ERC2: variants seen among roughly 807,000 people sequenced by gnomAD.
ERC2 encodes ELKS/RAB6-interacting/CAST family member 2.
A neutral mutation model predicts 114.8 loss-of-function variants in ERC2; 42 were observed. That is an observed-to-expected ratio of 0.37 (90% CI 0.29 to 0.47). The LOEUF is 0.47. Among genes scored for constraint, ERC2 ranks in the 20% least tolerant of loss-of-function variants. The pLI is 0.99. For missense variants in ERC2, 939 were observed against 1,150.7 expected, an observed-to-expected ratio of 0.82 and a Z score of 2.66; for synonymous variants, 454 against 425.5, an observed-to-expected ratio of 1.07 and a Z score of -0.82.
chr3:55,720,267 A>T (rs868122819), intron 15 of ERC2, among the ~76,000 whole-genome samples: 1 of 27,172 alleles, frequency 3.7e-5, no homozygotes, highest in Non-Finnish European at 7.0e-5. Flanking sequence ...CTCTCTGTCT[A>T]TCTCTCTGCC....
At chr3:56,137,156 A>C (rs2080557302) in intron 6 of ERC2, among the ~76,000 whole-genome samples, 1 of 152,174 alleles carries the variant, frequency 6.6e-6, no homozygotes, top group Non-Finnish European at 1.5e-5. Context: ...AGTGAGAAGA[A>C]AAGCCTTTCT....
intron 7 of ERC2, among the ~76,000 whole-genome samples, chr3:56,048,927 G>A (rs1300049065): frequency 6.6e-6 from 1 of 152,154 alleles, no homozygotes; most frequent in Non-Finnish European, 1.5e-5. Flanking sequence ...TACGTGAGAT[G>A]GGTATTCACG....
chr3:56,323,598 T>C (rs2057224479), intron 2 of ERC2, among the ~76,000 whole-genome samples: 1 of 152,154 alleles, frequency 6.6e-6, no homozygotes, highest in Admixed American at 6.5e-5. Flanking sequence ...CAGGTGTTGT[T>C]TTAAGTCACC....
chr3:55,525,257 T>C (rs552313140), intron 17 of ERC2, among the ~76,000 whole-genome samples: 1 of 152,348 alleles, frequency 6.6e-6, no homozygotes, highest in South Asian at 2.1e-4. Flanking sequence ...CATGCATTCA[T>C]TCAGTTCTTC....
chr3:55,768,824 G>A (rs765232328), intron 14 of ERC2, among the ~76,000 whole-genome samples: 4 of 152,182 alleles, frequency 2.6e-5, no homozygotes, highest in East Asian at 1.9e-4. Flanking sequence ...CTAGTTGGGG[G>A]TTGGGTTTTA....
intron 7 of ERC2, among the ~76,000 whole-genome samples, chr3:56,056,875 T>C (rs2076037988): frequency 6.6e-6 from 1 of 152,186 alleles, no homozygotes; most frequent in Non-Finnish European, 1.5e-5. Context: ...CCAGTTATTG[T>C]ACTGAGCTCT....
chr3:56,464,913 T>C (rs905672213), intron 1 of ERC2, among the ~76,000 whole-genome samples: 6 of 151,390 alleles, frequency 4.0e-5, no homozygotes, highest in African/African-American at 7.3e-5. Context: ...GAGGGTGTCC[T>C]AGTAAAACAA....
At chr3:55,725,072 C>T (rs1390809281) in intron 15 of ERC2, among the ~76,000 whole-genome samples, 2 of 152,188 alleles carry the variant, frequency 1.3e-5, no homozygotes, top group African/African-American at 2.4e-5. Context: ...CATTTGCATG[C>T]TATTCCCTGT....
intron 2 of ERC2, among the ~76,000 whole-genome samples, chr3:56,352,200 T>C (rs966486480): frequency 6.6e-6 from 1 of 152,182 alleles, no homozygotes; most frequent in Non-Finnish European, 1.5e-5. Context: ...CGTGGAAAGA[T>C]ATTTAGACTG....
intron 17 of ERC2, among the ~76,000 whole-genome samples, chr3:55,551,586 T>C (rs2055214632): frequency 6.6e-6 from 1 of 151,854 alleles, no homozygotes. Flanking sequence ...TGTTTAGAGG[T>C]AAATCCAAAA....
At chr3:55,918,977 C>A (rs548990250) in intron 13 of ERC2, among the ~76,000 whole-genome samples, 1 of 152,018 alleles carries the variant, frequency 6.6e-6, no homozygotes, top group African/African-American at 2.4e-5. Flanking sequence ...TATTCTCATA[C>A]GTTTTCTCAA....
chr3:55,778,025 G>C (rs2068752603), intron 14 of ERC2, among the ~76,000 whole-genome samples: 1 of 152,140 alleles, frequency 6.6e-6, no homozygotes, highest in African/African-American at 2.4e-5. Context: ...GATGCCTGCT[G>C]TTGGCTGACA....
intron 14 of ERC2, among the ~76,000 whole-genome samples, chr3:55,863,534 T>G (rs1443130874): frequency 1.3e-5 from 2 of 152,044 alleles, no homozygotes; most frequent in African/African-American, 4.8e-5. Flanking sequence ...TGAAGCAGAG[T>G]TGGGCTCAGA....
At chr3:56,465,022 C>G (rs926091922) in intron 1 of ERC2, among the ~76,000 whole-genome samples, 1 of 152,178 alleles carries the variant, frequency 6.6e-6, no homozygotes, top group Non-Finnish European at 1.5e-5. Context: ...TTCAGGATAC[C>G]TGTTTTGGCA....
intron 14 of ERC2, among the ~76,000 whole-genome samples, chr3:55,814,879 G>C (rs976158331): frequency 6.6e-6 from 1 of 152,194 alleles, no homozygotes; most frequent in African/African-American, 2.4e-5. Flanking sequence ...CAAGAAGTCT[G>C]CTCTTTACCC....
At chr3:55,860,393 G>A (rs980031880) in intron 14 of ERC2, among the ~76,000 whole-genome samples, 3 of 152,104 alleles carry the variant, frequency 2.0e-5, no homozygotes, top group Non-Finnish European at 4.4e-5. Flanking sequence ...CGCCTCATCC[G>A]CCTCCTTTTT....
intron 14 of ERC2, among the ~76,000 whole-genome samples, chr3:55,867,719 A>AT (rs1263671122): frequency 2.6e-5 from 4 of 152,106 alleles, no homozygotes; most frequent in Non-Finnish European, 4.4e-5. Context: ...CATAATTTCT[A>AT]TTTTTTTAAA....
chr3:56,203,752 G>A (rs754127906), intron 3 of ERC2, among the ~76,000 whole-genome samples: 2 of 152,330 alleles, frequency 1.3e-5, no homozygotes, highest in Non-Finnish European at 2.9e-5. Flanking sequence ...TACAGTGGAC[G>A]TGGGAGGACC....
intron 7 of ERC2, among the ~76,000 whole-genome samples, chr3:56,046,807 GAAAT>G (rs1011954431): frequency 6.6e-6 from 1 of 152,172 alleles, no homozygotes; most frequent in African/African-American, 2.4e-5. Flanking sequence ...CAGATAAGCT[GAAAT>G]AGTTAAGAAA....
Sources: allele counts gnomAD v4.1 joint callset (sites outside exome capture counted in the v4.1 genomes callset), GRCh38; gene constraint gnomAD v4.1.1; transcripts MANE v1.5; gene names NCBI Gene and HGNC (gene_info 2026-07-23, HGNC 2026-07-21).